MED13L: variants seen among roughly 807,000 people sequenced by gnomAD.
MED13L encodes the protein mediator complex subunit 13L.
Under a neutral mutation model 220.9 loss-of-function variants are expected in MED13L, and 7 were observed. That is an observed-to-expected ratio of 0.03 (90% CI 0.02 to 0.06). The LOEUF is 0.06. Among genes scored for constraint, MED13L ranks in the 10% least tolerant of loss-of-function variants. The pLI, the probability that MED13L is intolerant of heterozygous loss-of-function variation, is 1.00. For missense variants in MED13L, 1,965 were observed against 2,760.5 expected (o/e 0.71, Z 6.46); for synonymous variants, 1,011 against 1,015.2 (o/e 1.00, Z 0.08).
intron 2 of MED13L, chr12:116,230,416 A>G: frequency 1.1e-6 from 1 of 915,450 alleles, no homozygotes. Context: ...AATAAAAAAA[A>G]GTAAAATGAA....
chr12:116,014,634 C>T (rs958376181), intron 8 of MED13L, among the ~76,000 whole-genome samples: 3 of 152,116 alleles, frequency 2.0e-5, no homozygotes, highest in Non-Finnish European at 4.4e-5. Context: ...AACAGGAGCA[C>T]GGCAGATAAT....
chr12:116,048,086 T>A (rs954037598), intron 4 of MED13L, among the ~76,000 whole-genome samples: 8 of 152,100 alleles, frequency 5.3e-5, no homozygotes, highest in Admixed American at 3.9e-4. Flanking sequence ...AACTACACCA[T>A]GCCCAGCAAC....
intron 4 of MED13L, among the ~76,000 whole-genome samples, chr12:116,085,409 T>A (rs184325069): frequency 6.6e-6 from 1 of 152,284 alleles, no homozygotes. Context: ...TAAAAGATCA[T>A]CTTTTAACAT....
chr12:116,251,925 A>AAT (rs1358202785), intron 1 of MED13L, among the ~76,000 whole-genome samples: 2 of 152,092 alleles, frequency 1.3e-5, no homozygotes, highest in Admixed American at 6.5e-5. Context: ...ACACCAAGAG[A>AAT]AGTACTATTA....
intron 4 of MED13L, among the ~76,000 whole-genome samples, chr12:116,034,396 A>C (rs1881046054): frequency 6.6e-6 from 1 of 152,202 alleles, no homozygotes; most frequent in African/African-American, 2.4e-5. Flanking sequence ...TGAGGTGCGG[A>C]AGAACACAAA....
In MED13L at chr12:116,236,039, GACAA is replaced by G. The variant is rs552838243; in HGVS notation, c.310+1425_310+1428del. 1.8e-4 allele frequency among the ~76,000 whole-genome samples: 28 copies of G among 152,220 alleles called. No homozygotes were observed. In the East Asian group the frequency reaches 5.2e-3, roughly 28 times the overall value. On this transcript the variant is annotated intron_variant, in intron 2 of 30. Transcript: ENST00000281928. The stretch of plus-strand genomic sequence containing the variant: ...AAAAATATGTTTTCATATTTTAATG[GACAA>G]ACAAAAATGTTGTAATTATCTTCTA...
chr12:116,110,470 T>C (rs1237251170), intron 3 of MED13L, among the ~76,000 whole-genome samples: 2 of 152,140 alleles, frequency 1.3e-5, no homozygotes, highest in African/African-American at 2.4e-5. Context: ...ATGGTGGCAT[T>C]TGAAAATGAA....
At chr12:116,030,116 C>T (rs1880644219) in intron 4 of MED13L, among the ~76,000 whole-genome samples, 1 of 152,046 alleles carries the variant, frequency 6.6e-6, no homozygotes, top group Non-Finnish European at 1.5e-5. Context: ...TACAGATGTG[C>T]GCCGCTACGC....
At chr12:116,114,029 G>A (rs1440513392) in intron 2 of MED13L, among the ~76,000 whole-genome samples, 1 of 152,038 alleles carries the variant, frequency 6.6e-6, no homozygotes, top group Non-Finnish European at 1.5e-5. Context: ...AAATACTTCA[G>A]CGTGCATCAA....
intron 1 of MED13L, among the ~76,000 whole-genome samples, chr12:116,271,774 C>T (rs1873376837): frequency 6.6e-6 from 1 of 152,072 alleles, no homozygotes; most frequent in Admixed American, 6.5e-5. Context: ...TTCATTTCTA[C>T]GGTTGCAATG....
At chr12:116,134,173 T>C (rs1372334295) in intron 2 of MED13L, among the ~76,000 whole-genome samples, 1 of 152,200 alleles carries the variant, frequency 6.6e-6, no homozygotes, top group Non-Finnish European at 1.5e-5. Context: ...GCAGAGTAGA[T>C]TCATAACTCA....
intron 2 of MED13L, chr12:116,181,047 C>G (rs1349213885): frequency 2.0e-5 from 3 of 151,644 alleles, no homozygotes; most frequent in East Asian, 3.9e-4. Context: ...TCTCCTGCCT[C>G]AGCCTCCTGA....
chr12:116,236,863 A>T, intron 2 of MED13L: 1 of 985,278 alleles, frequency 1.0e-6, no homozygotes, highest in Non-Finnish European at 1.2e-6. Flanking sequence ...TGAAGCTAAA[A>T]ATCAGGCAAC....
intron 30 of MED13L, among the ~76,000 whole-genome samples, chr12:115,961,780 G>A (rs1875775441): frequency 6.6e-6 from 1 of 152,134 alleles, no homozygotes; most frequent in African/African-American, 2.4e-5. Context: ...AAGACCAGGT[G>A]GCCAACATGG....
intron 2 of MED13L, among the ~76,000 whole-genome samples, chr12:116,163,072 A>G (rs1879003277): frequency 6.6e-6 from 1 of 152,136 alleles, no homozygotes. Context: ...AAATACAATT[A>G]TTTCAGAATT....
At chr12:116,004,518 T>C (rs1257200421) in intron 13 of MED13L, among the ~76,000 whole-genome samples, 2 of 152,130 alleles carry the variant, frequency 1.3e-5, no homozygotes, top group Non-Finnish European at 1.5e-5. Context: ...AGTTCTATAC[T>C]CAGCAGCCCT....
chr12:116,136,270 C>T (rs1047039477), intron 2 of MED13L, among the ~76,000 whole-genome samples: 1 of 152,134 alleles, frequency 6.6e-6, no homozygotes, highest in African/African-American at 2.4e-5. Flanking sequence ...GTGCTATGGT[C>T]CCTTCATATC....
At chr12:116,208,926 G>A (rs1354004433) in intron 2 of MED13L, among the ~76,000 whole-genome samples, 1 of 152,010 alleles carries the variant, frequency 6.6e-6, no homozygotes, top group Non-Finnish European at 1.5e-5. Flanking sequence ...AGCTATGACT[G>A]TGCCACTGTA....
chr12:116,060,579 GA>G (rs201867322), intron 4 of MED13L, among the ~76,000 whole-genome samples: 108 of 89,146 alleles, frequency 1.2e-3, no homozygotes, highest in East Asian at 2.3e-3. Context: ...GACTCCAAGG[GA>G]AAAAAAAAAA....
Sources: allele counts gnomAD v4.1 joint callset (sites outside exome capture counted in the v4.1 genomes callset), GRCh38; gene constraint gnomAD v4.1.1; transcripts MANE v1.5; gene names NCBI Gene and HGNC (gene_info 2026-07-23, HGNC 2026-07-21).